The following TMEM117 variants were observed in gnomAD, a reference collection of about 807,000 sequenced individuals.
TMEM117 encodes the protein transmembrane protein 117.
Under a neutral mutation model 52.4 loss-of-function variants are expected in TMEM117, and 27 were observed. The ratio of observed to expected loss-of-function variants is 0.51; its 90% CI spans 0.38 to 0.71. The LOEUF is 0.71. TMEM117 is among the 30% of genes least tolerant of loss of function. The probability of loss-of-function intolerance (pLI) is 0.00; values close to 1 mark genes in which losing one functional copy is unlikely to be tolerated. For synonymous variants in TMEM117, 215 were observed against 206.3 expected, an observed-to-expected ratio of 1.04 and a Z score of -0.36; for missense variants, 556 against 630.5, an observed-to-expected ratio of 0.88 and a Z score of 1.26.
intron 5 of TMEM117, among the ~76,000 whole-genome samples, chr12:44,266,423 T>C (rs187850266): frequency 6.6e-6 from 1 of 152,298 alleles, no homozygotes; most frequent in African/African-American, 2.4e-5. Flanking sequence ...ATATCTTTCC[T>C]GGAGAAATGT....
At chr12:44,336,299 A>T (rs915825636) in intron 6 of TMEM117, among the ~76,000 whole-genome samples, 1 of 152,002 alleles carries the variant, frequency 6.6e-6, no homozygotes, top group Admixed American at 6.6e-5. Context: ...TTTATCTATG[A>T]TTGTTTTTAA....
chr12:44,070,812 G>T (rs1422086004), intron 3 of TMEM117, among the ~76,000 whole-genome samples: 1 of 152,172 alleles, frequency 6.6e-6, no homozygotes, highest in Non-Finnish European at 1.5e-5. Flanking sequence ...CAGTAAATGA[G>T]AGAAGCCACC....
At chr12:43,821,097 A>G in the TMEM117 span, among the ~76,000 whole-genome samples, 7 of 146,676 alleles carry the variant, frequency 4.8e-5, no homozygotes, top group Non-Finnish European at 3.0e-5. Flanking sequence ...TCCCTCTCAC[A>G]TTAAAAAAAA....
intron 2 of TMEM117, among the ~76,000 whole-genome samples, chr12:43,874,583 C>T (rs1943761087): frequency 6.6e-6 from 1 of 152,148 alleles, no homozygotes; most frequent in African/African-American, 2.4e-5. Flanking sequence ...AAGAACAAGA[C>T]TCCGTCTCAA....
chr12:44,364,349 C>A (rs1028001621), intron 6 of TMEM117, among the ~76,000 whole-genome samples: 2 of 152,008 alleles, frequency 1.3e-5, no homozygotes, highest in Non-Finnish European at 2.9e-5. Context: ...TTTTTACCAC[C>A]TTCAGAACTC....
chr12:43,869,962 C>T (rs1028575320), intron 2 of TMEM117, among the ~76,000 whole-genome samples: 3 of 152,150 alleles, frequency 2.0e-5, no homozygotes, highest in African/African-American at 4.8e-5. Flanking sequence ...TGTTGTTCCC[C>T]TCCATGTGTC....
At chr12:43,872,812 C>T (rs1196171327) in intron 2 of TMEM117, among the ~76,000 whole-genome samples, 1 of 152,142 alleles carries the variant, frequency 6.6e-6, no homozygotes, top group Admixed American at 6.5e-5. Context: ...ATTCTTAATA[C>T]CTTAATAGCA....
chr12:44,282,527 G>A (rs563182307), intron 5 of TMEM117, among the ~76,000 whole-genome samples: 18 of 152,294 alleles, frequency 1.2e-4, no homozygotes, highest in African/African-American at 2.4e-4. Flanking sequence ...AGAGACTAAC[G>A]TCATTTTGCC....
At chr12:44,199,403 CT>C (rs1949463106) in intron 4 of TMEM117, among the ~76,000 whole-genome samples, 1 of 152,142 alleles carries the variant, frequency 6.6e-6, no homozygotes, top group South Asian at 2.1e-4. Flanking sequence ...GCTATACATA[CT>C]GAGAAAGTGC....
At chr12:44,192,680 A>G (rs1949370357) in intron 4 of TMEM117, among the ~76,000 whole-genome samples, 1 of 152,230 alleles carries the variant, frequency 6.6e-6, no homozygotes, top group African/African-American at 2.4e-5. Flanking sequence ...TTCATTAAAT[A>G]TTGTTAACAT....
At chr12:43,952,216 G>A (rs554151447) in intron 3 of TMEM117, among the ~76,000 whole-genome samples, 2 of 152,096 alleles carry the variant, frequency 1.3e-5, no homozygotes, top group Non-Finnish European at 2.9e-5. Flanking sequence ...AATCCCGGAA[G>A]CCGGAATGCC....
intron 3 of TMEM117, among the ~76,000 whole-genome samples, chr12:43,951,259 A>T (rs1451072082): frequency 6.6e-6 from 1 of 151,928 alleles, no homozygotes; most frequent in Non-Finnish European, 1.5e-5. Flanking sequence ...TTTTTTACAT[A>T]CTCCAGTGAC....
At chr12:44,214,660 A>G (rs565947052) in intron 5 of TMEM117, among the ~76,000 whole-genome samples, 11 of 152,318 alleles carry the variant, frequency 7.2e-5, no homozygotes, top group African/African-American at 2.2e-4. Context: ...TAGGCAATAT[A>G]TTAGAGAGAT....
At chr12:43,823,326 G>C in the TMEM117 span, among the ~76,000 whole-genome samples, 1 of 152,132 alleles carries the variant, frequency 6.6e-6, no homozygotes, top group African/African-American at 2.4e-5. Flanking sequence ...AGAAAAGGTA[G>C]CAAAGTAGAA....
chr12:44,041,749 G>A (rs1252346264), intron 3 of TMEM117, among the ~76,000 whole-genome samples: 1 of 152,136 alleles, frequency 6.6e-6, no homozygotes, highest in Non-Finnish European at 1.5e-5. Flanking sequence ...GAGTCCAGGA[G>A]CACAGCAAAA....
At chr12:44,052,938 C>G (rs1304541514) in intron 3 of TMEM117, among the ~76,000 whole-genome samples, 1 of 152,100 alleles carries the variant, frequency 6.6e-6, no homozygotes, top group African/African-American at 2.4e-5. Context: ...CAAGGAATAC[C>G]ACGAACTGTT....
At chr12:44,077,785 C>A (rs1261478483) in intron 3 of TMEM117, among the ~76,000 whole-genome samples, 1 of 147,094 alleles carries the variant, frequency 6.8e-6, no homozygotes, top group East Asian at 2.0e-4. Context: ...TGGCATAGTC[C>A]TTCAAACCAA....
the TMEM117 span, chr12:43,798,641 A>AT: frequency 1.4e-6 from 2 of 1,454,870 alleles, no homozygotes; most frequent in Non-Finnish European, 1.8e-6. Flanking sequence ...AAAAAATCAC[A>AT]TAAAAAGCCC....
At chr12:43,916,740 A>G (rs1049971983) in intron 2 of TMEM117, among the ~76,000 whole-genome samples, 1 of 152,180 alleles carries the variant, frequency 6.6e-6, no homozygotes, top group South Asian at 2.1e-4. Flanking sequence ...TACTGGGACT[A>G]AAAAATTAAA....
Sources: allele counts gnomAD v4.1 joint callset (sites outside exome capture counted in the v4.1 genomes callset), GRCh38; gene constraint gnomAD v4.1.1; transcripts MANE v1.5; gene names NCBI Gene and HGNC (gene_info 2026-07-23, HGNC 2026-07-21).